Variants in PID1 observed in about 807,000 individuals in gnomAD.
The protein encoded by PID1 is PTB-containing, cubilin and LRP1-interacting protein.
Under a neutral mutation model 19.1 loss-of-function variants are expected in PID1, and 10 were observed. That is an observed-to-expected ratio of 0.52 (90% confidence interval 0.32 to 0.89). PID1 has a LOEUF of 0.89. Among genes scored for constraint, PID1 ranks in the 40% least tolerant of loss-of-function variants. The pLI is 0.03. For synonymous variants in PID1, 130 were observed against 116.0 expected, an observed-to-expected ratio of 1.12 and a Z score of -0.78; for missense variants, 248 against 285.3, an observed-to-expected ratio of 0.87 and a Z score of 0.94.
intron 1 of PID1, among the ~76,000 whole-genome samples, chr2:229,261,964 C>A (rs1303345653): frequency 6.6e-6 from 1 of 151,154 alleles, no homozygotes; most frequent in East Asian, 1.9e-4. Context: ...ATAATTTATA[C>A]AGTTATCAAG....
At chr2:229,110,406 C>T (rs931009494) in intron 2 of PID1, among the ~76,000 whole-genome samples, 1 of 152,104 alleles carries the variant, frequency 6.6e-6, no homozygotes, top group Non-Finnish European at 1.5e-5. Flanking sequence ...GTGTCTGTAT[C>T]TGAGGGGAGG....
intron 1 of PID1, among the ~76,000 whole-genome samples, chr2:229,175,811 C>T (rs1440020930): frequency 6.6e-6 from 1 of 152,180 alleles, no homozygotes; most frequent in Non-Finnish European, 1.5e-5. Context: ...ACAAAGAAGA[C>T]CCTTTCTTAT....
At chr2:229,068,615 A>T (rs369056423) in intron 2 of PID1, among the ~76,000 whole-genome samples, 1 of 152,060 alleles carries the variant, frequency 6.6e-6, no homozygotes, top group African/African-American at 2.4e-5. Flanking sequence ...TTAGTTGGAG[A>T]GCCTTCTGAC....
intron 2 of PID1, among the ~76,000 whole-genome samples, chr2:229,091,607 A>G (rs1694879410): frequency 6.6e-6 from 1 of 152,172 alleles, no homozygotes; most frequent in African/African-American, 2.4e-5. Flanking sequence ...GTCACCGCAA[A>G]AAGACAACAA....
chr2:229,239,565 A>G (rs1428436663), intron 1 of PID1, among the ~76,000 whole-genome samples: 2 of 152,108 alleles, frequency 1.3e-5, no homozygotes, highest in Non-Finnish European at 2.9e-5. Flanking sequence ...CTAGGGGGTT[A>G]TGACTAGATT....
At chr2:229,164,110 A>G (rs1690551351) in intron 1 of PID1, among the ~76,000 whole-genome samples, 1 of 152,176 alleles carries the variant, frequency 6.6e-6, no homozygotes, top group African/African-American at 2.4e-5. Context: ...GCAACTGGCC[A>G]TGGTCTCTGC....
intron 1 of PID1, among the ~76,000 whole-genome samples, chr2:229,220,609 A>G (rs1190056875): frequency 6.6e-6 from 1 of 152,110 alleles, no homozygotes; most frequent in Non-Finnish European, 1.5e-5. Context: ...AGGTGATTCT[A>G]TGAGTTCAGT....
intron 2 of PID1, among the ~76,000 whole-genome samples, chr2:229,076,791 A>C (rs1043439785): frequency 6.6e-6 from 1 of 152,202 alleles, no homozygotes; most frequent in African/African-American, 2.4e-5. Flanking sequence ...TATCCAGCCT[A>C]ACATTGATGG....
At chr2:229,194,753 C>A (rs1691336905) in intron 1 of PID1, among the ~76,000 whole-genome samples, 1 of 151,798 alleles carries the variant, frequency 6.6e-6, no homozygotes, top group Non-Finnish European at 1.5e-5. Context: ...CAGGATAAAG[C>A]AAATAAGTAA....
intron 1 of PID1, among the ~76,000 whole-genome samples, chr2:229,217,016 A>C (rs1464853732): frequency 1.3e-5 from 2 of 152,260 alleles, no homozygotes; most frequent in Non-Finnish European, 2.9e-5. Flanking sequence ...TTTTAAATAG[A>C]TAAGTAGATA....
chr2:229,065,081 G>T (rs1694294654), intron 2 of PID1, among the ~76,000 whole-genome samples: 1 of 152,116 alleles, frequency 6.6e-6, no homozygotes, highest in Non-Finnish European at 1.5e-5. Context: ...TTAACAGCTT[G>T]CACAGATGAA....
chr2:229,269,913 C>G (rs900806546), intron 1 of PID1, among the ~76,000 whole-genome samples: 10 of 152,202 alleles, frequency 6.6e-5, no homozygotes, highest in Admixed American at 6.5e-4. Flanking sequence ...TGTGGGGCAT[C>G]TGTTTCTGCT....
rs369216989 is a variant in PID1 at position 229,057,830 on chromosome 2, G to C, written c.178-31722C>G. ...CTCTTCTGAAAACTGTGATTGCAAA[G>C]ATAATGGACACAGCATTCTACCTCC... On this transcript the variant is annotated intron_variant, in intron 2 of 2. Coordinates refer to ENST00000392055, the MANE Select transcript of PID1 (RefSeq NM_001100818.2). Among the ~76,000 whole-genome samples, 4 of 152,272 alleles carry C rather than the reference G, an allele frequency of 2.6e-5. No homozygotes were observed. The East Asian group carries it at 7.7e-4, about 29-fold the overall frequency.
intron 2 of PID1, among the ~76,000 whole-genome samples, chr2:229,104,294 A>C (rs1695131520): frequency 6.6e-6 from 1 of 152,218 alleles, no homozygotes. Flanking sequence ...TAGCCTGACA[A>C]AGCCACACTG....
chr2:229,127,593 C>T (rs1401709130), intron 2 of PID1, among the ~76,000 whole-genome samples: 1 of 152,170 alleles, frequency 6.6e-6, no homozygotes, highest in African/African-American at 2.4e-5. Flanking sequence ...TCACTACCGA[C>T]ATTTTGGGCT....
At chr2:229,210,693 G>C (rs897317122) in intron 1 of PID1, among the ~76,000 whole-genome samples, 2 of 152,030 alleles carry the variant, frequency 1.3e-5, no homozygotes, top group Non-Finnish European at 2.9e-5. Flanking sequence ...TGAGAACATA[G>C]GAAAATGAGT....
At chr2:229,120,063 T>G (rs907284680) in intron 2 of PID1, among the ~76,000 whole-genome samples, 5 of 152,218 alleles carry the variant, frequency 3.3e-5, no homozygotes, top group Non-Finnish European at 5.9e-5. Context: ...CAGCAGACCG[T>G]GGGACTTAGC....
chr2:229,214,284 G>C (rs996496652), intron 1 of PID1, among the ~76,000 whole-genome samples: 1 of 150,480 alleles, frequency 6.6e-6, no homozygotes, highest in Non-Finnish European at 1.5e-5. Context: ...ATCTTACTTG[G>C]GGGTATTTTC....
At chr2:229,206,116 A>G (rs1691604022) in intron 1 of PID1, among the ~76,000 whole-genome samples, 1 of 152,196 alleles carries the variant, frequency 6.6e-6, no homozygotes, top group Non-Finnish European at 1.5e-5. Context: ...ACCAAAAAAT[A>G]TAAGTATACA....
Sources: gnomAD v4.1 joint callset for allele counts (sites outside exome capture counted in the v4.1 genomes callset) on GRCh38, gnomAD v4.1.1 for gene constraint, MANE v1.5 for transcripts, NCBI Gene and HGNC (gene_info 2026-07-23, HGNC 2026-07-21) for gene names.